The following PTPA variants were observed in gnomAD, a reference collection of about 807,000 sequenced individuals.
PTPA encodes the protein serine/threonine-protein phosphatase 2A activator.
A neutral mutation model predicts 43.6 loss-of-function variants in PTPA; 13 were observed. That is an observed-to-expected ratio of 0.30 (90% confidence interval 0.19 to 0.47). The LOEUF (loss-of-function observed/expected upper bound fraction) is 0.47, where lower values mean the gene tolerates loss of function less well. PTPA is among the 20% of genes least tolerant of loss of function. The pLI is 0.99. For synonymous variants in PTPA, 172 were observed against 158.2 expected (o/e 1.09, Z -0.66); for missense variants, 329 against 411.9 (o/e 0.80, Z 1.74).
At chr9:129,134,081 A>G (rs892756568) in intron 5 of PTPA, among the ~76,000 whole-genome samples, 1 of 152,142 alleles carries the variant, frequency 6.6e-6, no homozygotes, top group Non-Finnish European at 1.5e-5. Flanking sequence ...TAGTGACTGT[A>G]TATTTATAAT....
intron 8 of PTPA, chr9:129,141,970 G>A (rs112023694): frequency 6.5e-6 from 1 of 153,720 alleles, no homozygotes; most frequent in Non-Finnish European, 1.4e-5. Flanking sequence ...GGTGGGCCTG[G>A]AGGGGTGGGG....
At chr9:129,138,477 C>T (rs1850531555) in intron 8 of PTPA, among the ~76,000 whole-genome samples, 1 of 152,190 alleles carries the variant, frequency 6.6e-6, no homozygotes, top group South Asian at 2.1e-4. Context: ...GCTCTCTGGA[C>T]CTCTCTTGAG....
intron 8 of PTPA, among the ~76,000 whole-genome samples, chr9:129,141,383 GTC>G (rs139460310): frequency 1.1e-3 from 163 of 152,256 alleles, no homozygotes; most frequent in Middle Eastern, 3.4e-3. Flanking sequence ...AACCTTCCAA[GTC>G]TCTGTTTCTT....
chr9:129,135,961 AT>A (rs1850337509), intron 6 of PTPA, among the ~76,000 whole-genome samples: 1 of 151,504 alleles, frequency 6.6e-6, no homozygotes, highest in Admixed American at 6.6e-5. Flanking sequence ...GTGATTTTTT[AT>A]TTATTTATTT....
chr9:129,128,583 C>T (rs1261145616), intron 3 of PTPA, among the ~76,000 whole-genome samples: 4 of 150,732 alleles, frequency 2.7e-5, no homozygotes, highest in African/African-American at 9.8e-5. Context: ...GGCAGGATTA[C>T]TGGTCATTTT....
intron 4 of PTPA, among the ~76,000 whole-genome samples, chr9:129,129,897 C>T (rs1263340626): frequency 2.0e-5 from 3 of 152,078 alleles, no homozygotes; most frequent in Non-Finnish European, 2.9e-5. Context: ...CATAGCAAGA[C>T]CCCGTTACTG....
intron 4 of PTPA, among the ~76,000 whole-genome samples, chr9:129,130,817 C>T (rs763303017): frequency 6.6e-6 from 1 of 152,330 alleles, no homozygotes; most frequent in Middle Eastern, 3.4e-3. Context: ...TCATGTCAAG[C>T]AATAGAACAT....
intron 1 of PTPA, among the ~76,000 whole-genome samples, chr9:129,115,413 T>C (rs1264275261): frequency 6.6e-6 from 1 of 152,174 alleles, no homozygotes; most frequent in African/African-American, 2.4e-5. Flanking sequence ...TCTATCCTTC[T>C]CCTTAGGTCT....
rs550899940 is a variant in PTPA at position 129,142,039 on chromosome 9, C to G, written c.787-406C>G. On this transcript the variant is annotated intron_variant, in intron 8 of 9. Coordinates refer to ENST00000393370, the MANE Select transcript of PTPA (RefSeq NM_178000.3). Reference sequence around the variant, plus strand: ...TGAATCCCTGTGCTGGAGAGGCGCTCTGAGGCTCCTGGGGAGTCGGTGGGA... The same window carrying G: ...TGAATCCCTGTGCTGGAGAGGCGCTGTGAGGCTCCTGGGGAGTCGGTGGGA... 2.0e-4 allele frequency: 33 copies of G among 168,766 alleles called. No homozygotes were observed. The South Asian group carries it at 3.6e-3, about 18-fold the overall frequency. 10.5% of individuals were successfully genotyped at this position (168,766 alleles called of 1,614,324 possible). A position where few individuals can be genotyped will look rare whatever the true frequency, so the allele number is the denominator to read the frequency against.
At chr9:129,131,763 C>T in intron 5 of PTPA, 124 bp downstream of exon 5, 1 of 937,778 alleles carries the variant, frequency 1.1e-6, no homozygotes, top group Non-Finnish European at 1.7e-6. Flanking sequence ...CACCTGCAAC[C>T]TATTGGGGCC....
intron 2 of PTPA, among the ~76,000 whole-genome samples, chr9:129,121,856 GC>G (rs1398310862): frequency 6.6e-6 from 1 of 152,198 alleles, no homozygotes; most frequent in African/African-American, 2.4e-5. Context: ...GCTCAGACTT[GC>G]CCTGGTCTGA....
At chr9:129,111,289 G>A (rs1005897445), upstream of PTPA, 3 of 1,129,558 alleles carry the variant, frequency 2.7e-6, no homozygotes, top group Non-Finnish European at 3.3e-6. Context: ...GCCGTGAGCG[G>A]TCCTAGCGCT....
chr9:129,118,995 G>A, intron 1 of PTPA: 1 of 159,966 alleles, frequency 6.3e-6, no homozygotes, highest in Non-Finnish European at 1.4e-5. Context: ...TCCTCTTCCT[G>A]GAATCTTGTT....
At chr9:129,118,383 T>G (rs1203062222) in intron 1 of PTPA, among the ~76,000 whole-genome samples, 1 of 151,198 alleles carries the variant, frequency 6.6e-6, no homozygotes, top group East Asian at 2.0e-4. Context: ...ATAAAAAATT[T>G]TTTTATTTGA....
At chr9:129,122,445 A>T (rs1564187037) in intron 2 of PTPA, among the ~76,000 whole-genome samples, 2 of 152,224 alleles carry the variant, frequency 1.3e-5, no homozygotes, top group Non-Finnish European at 2.9e-5. Context: ...ACTGCAGCCC[A>T]GCAGGGAAGA....
At chr9:129,144,606 G>T (rs2131631681) in intron 9 of PTPA, among the ~76,000 whole-genome samples, 1 of 151,968 alleles carries the variant, frequency 6.6e-6, no homozygotes, top group Admixed American at 6.6e-5. Flanking sequence ...GGGCGTGGTG[G>T]CGGGTGCCTG....
intron 2 of PTPA, 61 bp from the exon 3 acceptor site, chr9:129,122,991 A>G (rs1485584338): frequency 1.6e-6 from 2 of 1,255,426 alleles, no homozygotes; most frequent in East Asian, 5.3e-5. Context: ...AGCTCGGGGC[A>G]GGTGGGGCGG....
chr9:129,126,129 A>C (rs1211182640), intron 3 of PTPA, among the ~76,000 whole-genome samples: 1 of 151,790 alleles, frequency 6.6e-6, no homozygotes, highest in Non-Finnish European at 1.5e-5. Flanking sequence ...AGCCCAGGCG[A>C]CAGTGCGAGA....
chr9:129,121,698 C>A (rs1849260257), intron 2 of PTPA, among the ~76,000 whole-genome samples: 1 of 152,260 alleles, frequency 6.6e-6, no homozygotes, highest in Non-Finnish European at 1.5e-5. Flanking sequence ...CCAGCTGTCA[C>A]AACTAACATT....
Sources: allele counts gnomAD v4.1 joint callset (sites outside exome capture counted in the v4.1 genomes callset), GRCh38; gene constraint gnomAD v4.1.1; transcripts MANE v1.5; gene names NCBI Gene and HGNC (gene_info 2026-07-23, HGNC 2026-07-21).